Variants in FGF14 observed in about 807,000 individuals in gnomAD.
FGF14 encodes the protein fibroblast growth factor homologous factor 4.
FGF14 carries 5 observed loss-of-function variants against 25.5 expected under a neutral mutation model. The observed-to-expected ratio is 0.20, with a 90% CI of 0.10 to 0.41. FGF14 has a LOEUF of 0.41. FGF14 is among the 10% of genes least tolerant of loss of function. The pLI is 1.00. For missense variants in FGF14, 222 were observed against 320.1 expected, an observed-to-expected ratio of 0.69 and a Z score of 2.34; for synonymous variants, 138 against 118.3, an observed-to-expected ratio of 1.17 and a Z score of -1.08.
chr13:101,748,435 G>A (rs2037038018), intron 3 of FGF14, among the ~76,000 whole-genome samples: 2 of 151,730 alleles, frequency 1.3e-5, no homozygotes, highest in South Asian at 4.2e-4. Flanking sequence ...TAAATAATCT[G>A]TACACATGGA....
chr13:102,250,198 C>A (rs1296461444), intron 1 of FGF14, among the ~76,000 whole-genome samples: 1 of 152,112 alleles, frequency 6.6e-6, no homozygotes, highest in African/African-American at 2.4e-5. Context: ...TAGCCTCTTA[C>A]CTACACTGTG....
chr13:102,123,164 CA>C (rs2045805503), intron 1 of FGF14, among the ~76,000 whole-genome samples: 1 of 151,946 alleles, frequency 6.6e-6, no homozygotes, highest in Non-Finnish European at 1.5e-5. Flanking sequence ...GTTGGTATAC[CA>C]AAACCAAATC....
At chr13:102,030,493 C>T (rs1287161468) in intron 1 of FGF14, among the ~76,000 whole-genome samples, 1 of 152,048 alleles carries the variant, frequency 6.6e-6, no homozygotes, top group Non-Finnish European at 1.5e-5. Flanking sequence ...AGACAGTCAC[C>T]AGGCAATGAA....
intron 1 of FGF14, among the ~76,000 whole-genome samples, chr13:101,906,014 C>T (rs2032196498): frequency 6.6e-6 from 1 of 151,914 alleles, no homozygotes; most frequent in African/African-American, 2.4e-5. Flanking sequence ...TGAGCAGATG[C>T]AGTGAAGATG....
At chr13:102,347,293 T>C (rs570234438) in intron 1 of FGF14, among the ~76,000 whole-genome samples, 3 of 152,164 alleles carry the variant, frequency 2.0e-5, no homozygotes, top group Non-Finnish European at 2.9e-5. Context: ...AGAGAACTCA[T>C]GGGTGAGTAA....
At chr13:102,364,061 G>A (rs1028373934) in intron 1 of FGF14, among the ~76,000 whole-genome samples, 8 of 152,232 alleles carry the variant, frequency 5.3e-5, no homozygotes, top group African/African-American at 1.7e-4. Context: ...ACCCAGGTAC[G>A]TGGTTGTGGA....
At chr13:102,309,135 T>TACACACACACACAC (rs34911009) in intron 1 of FGF14, among the ~76,000 whole-genome samples, 4,203 of 142,492 alleles carry the variant, frequency 0.029, 113 homozygotes, top group African/African-American at 0.048. Flanking sequence ...ATGCATAACA[T>TACACACACACACAC]ACACACACAC....
At chr13:102,228,727 T>C (rs768807347) in intron 1 of FGF14, among the ~76,000 whole-genome samples, 1 of 152,220 alleles carries the variant, frequency 6.6e-6, no homozygotes, top group East Asian at 1.9e-4. Context: ...CCTCCTGTTA[T>C]TGCACACTAA....
At chr13:102,163,634 C>A (rs143007325) in intron 1 of FGF14, among the ~76,000 whole-genome samples, 1 of 151,884 alleles carries the variant, frequency 6.6e-6, no homozygotes, top group African/African-American at 2.4e-5. Flanking sequence ...TATCAGGGAC[C>A]AGTATTCGAG....
chr13:102,198,488 C>G lies in FGF14; in HGVS notation c.208+202983G>C, dbSNP rs138784781. ...CGAAATTATATTATATTGGCAGCCACCTAGTCTTAAAATTGCCTTTAGGAA... is the reference window on the plus strand; with the variant it reads ...CGAAATTATATTATATTGGCAGCCAGCTAGTCTTAAAATTGCCTTTAGGAA... On this transcript the variant is annotated intron_variant, in intron 1 of 4. Transcript: ENST00000376131. 7.8e-3 allele frequency among the ~76,000 whole-genome samples: 1,191 copies of G among 152,258 alleles called. 13 individuals carry two copies. The highest frequency in any genetic ancestry group is 0.027 in the African/African-American group (1,116 of 41,542).
At chr13:102,059,004 T>C (rs1403049521) in intron 1 of FGF14, among the ~76,000 whole-genome samples, 2 of 151,726 alleles carry the variant, frequency 1.3e-5, no homozygotes, top group Non-Finnish European at 2.9e-5. Flanking sequence ...CACAAGTATA[T>C]AGCTCCATCT....
At chr13:101,946,065 A>G (rs16959488) in intron 1 of FGF14, among the ~76,000 whole-genome samples, 3,031 of 152,238 alleles carry the variant, frequency 0.02, 117 homozygotes, top group African/African-American at 0.069. Context: ...TCCCTTATTC[A>G]AACTAATATC....
chr13:101,996,958 T>C (rs2039218141), intron 1 of FGF14, among the ~76,000 whole-genome samples: 1 of 152,192 alleles, frequency 6.6e-6, no homozygotes, highest in African/African-American at 2.4e-5. Context: ...CTCAAGGCAG[T>C]TGCACCTGCT....
At chr13:101,855,001 GGAAA>G (rs1171618576) in intron 3 of FGF14, among the ~76,000 whole-genome samples, 1 of 151,854 alleles carries the variant, frequency 6.6e-6, no homozygotes, top group Non-Finnish European at 1.5e-5. Context: ...CCATTGTGTA[GGAAA>G]GACTTTGTCT....
chr13:102,136,256 A>G (rs2046405135), intron 1 of FGF14, among the ~76,000 whole-genome samples: 2 of 152,162 alleles, frequency 1.3e-5, no homozygotes, highest in African/African-American at 4.8e-5. Context: ...TACCAATTAT[A>G]TGTGTTTTAA....
At chr13:101,875,402 T>C in intron 1 of FGF14, 106 bp from the exon 2 acceptor site, 1 of 764,880 alleles carries the variant, frequency 1.3e-6, no homozygotes, top group Non-Finnish European at 2.3e-6. Context: ...TTTATACAAG[T>C]AGCATATTTT....
At chr13:102,181,903 A>T (rs2048690326) in intron 1 of FGF14, among the ~76,000 whole-genome samples, 2 of 152,288 alleles carry the variant, frequency 1.3e-5, no homozygotes, top group East Asian at 3.9e-4. Context: ...AAAGAACAAG[A>T]AAAGGAAGGA....
At chr13:102,357,386 G>T (rs995863396) in intron 1 of FGF14, among the ~76,000 whole-genome samples, 8 of 152,092 alleles carry the variant, frequency 5.3e-5, no homozygotes, top group African/African-American at 1.9e-4. Context: ...TGTCTGTCAG[G>T]ATACACGGAA....
At chr13:102,332,778 T>C (rs2056672920) in intron 1 of FGF14, among the ~76,000 whole-genome samples, 1 of 152,126 alleles carries the variant, frequency 6.6e-6, no homozygotes, top group Non-Finnish European at 1.5e-5. Context: ...TTAACACTTA[T>C]AAAAGAAGAC....
Sources: allele counts gnomAD v4.1 joint callset (sites outside exome capture counted in the v4.1 genomes callset), GRCh38; gene constraint gnomAD v4.1.1; transcripts MANE v1.5; gene names NCBI Gene and HGNC (gene_info 2026-07-23, HGNC 2026-07-21).